SLIT2: variants seen among roughly 807,000 people sequenced by gnomAD.
SLIT2 encodes slit guidance ligand 2.
In SLIT2, 41 loss-of-function variants were observed where a neutral mutation model predicts 185.7. That is an observed-to-expected ratio of 0.22 (90% CI 0.17 to 0.29). SLIT2 has a LOEUF of 0.29. Ranked by LOEUF, SLIT2 falls within the 10% of genes least tolerant of loss-of-function variation. The pLI is 1.00. For missense variants in SLIT2, 1,571 were observed against 1,909.0 expected (o/e 0.82, Z 3.30); for synonymous variants, 693 against 680.2 (o/e 1.02, Z -0.29).
At chr4:20,532,844 C>G (rs6816854) in intron 17 of SLIT2, among the ~76,000 whole-genome samples, 4 of 151,992 alleles carry the variant, frequency 2.6e-5, no homozygotes, top group Non-Finnish European at 4.4e-5. Context: ...TCTTTTTAGC[C>G]ATAAGATGAT....
At chr4:20,378,440 T>A (rs1724214083) in intron 4 of SLIT2, among the ~76,000 whole-genome samples, 1 of 152,148 alleles carries the variant, frequency 6.6e-6, no homozygotes, top group Non-Finnish European at 1.5e-5. Context: ...GGGCTTATTT[T>A]ATATGTAGAT....
intron 29 of SLIT2, among the ~76,000 whole-genome samples, chr4:20,577,644 A>C (rs1726188944): frequency 6.6e-6 from 1 of 152,220 alleles, no homozygotes; most frequent in African/African-American, 2.4e-5. Context: ...TTTCAGGTCC[A>C]ACTTAATGAA....
chr4:20,514,187 G>C (rs1302335576), intron 11 of SLIT2, among the ~76,000 whole-genome samples: 3 of 152,050 alleles, frequency 2.0e-5, no homozygotes, highest in African/African-American at 4.8e-5. Context: ...TAAAAATTTT[G>C]CTTACAAGTT....
At chr4:20,600,413 A>ATTTTTTTTTT (rs1281627568) in intron 33 of SLIT2, among the ~76,000 whole-genome samples, 1 of 89,500 alleles carries the variant, frequency 1.1e-5, no homozygotes, top group East Asian at 3.5e-4. Flanking sequence ...ATTATGTTGC[A>ATTTTTTTTTT]TTTTTTTTTT....
At chr4:20,536,238 C>G (rs756519133) in intron 18 of SLIT2, among the ~76,000 whole-genome samples, 1 of 152,088 alleles carries the variant, frequency 6.6e-6, no homozygotes, top group Non-Finnish European at 1.5e-5. Context: ...TAAGACATTA[C>G]TGTACACTAA....
At chr4:20,577,480 T>C (rs942372289) in intron 29 of SLIT2, among the ~76,000 whole-genome samples, 1 of 152,222 alleles carries the variant, frequency 6.6e-6, no homozygotes, top group Non-Finnish European at 1.5e-5. Flanking sequence ...TTTGCACCTA[T>C]TGCACACAAA....
intron 4 of SLIT2, among the ~76,000 whole-genome samples, chr4:20,328,743 G>T (rs949394361): frequency 7.9e-5 from 12 of 152,048 alleles, no homozygotes; most frequent in African/African-American, 2.9e-4. Context: ...CACAATTAAA[G>T]AATTCAGAAT....
At chr4:20,597,529 G>A (rs1352256916) in intron 32 of SLIT2, among the ~76,000 whole-genome samples, 1 of 152,188 alleles carries the variant, frequency 6.6e-6, no homozygotes, top group Non-Finnish European at 1.5e-5. Flanking sequence ...TAAATATAGT[G>A]TACATGGGGC....
chr4:20,541,262 A>T (rs1490755578), intron 19 of SLIT2, among the ~76,000 whole-genome samples, 191 bp from the exon 20 acceptor site: 2 of 151,948 alleles, frequency 1.3e-5, no homozygotes, highest in African/African-American at 4.8e-5. Context: ...AGTTCCAAGC[A>T]TAAATATTTT....
intron 36 of SLIT2, among the ~76,000 whole-genome samples, chr4:20,618,021 TATTA>T (rs1729816689): frequency 6.6e-6 from 1 of 152,238 alleles, no homozygotes; most frequent in Admixed American, 6.5e-5. Flanking sequence ...CCGTATATAT[TATTA>T]ATTCATCTTC....
intron 4 of SLIT2, among the ~76,000 whole-genome samples, chr4:20,319,889 A>G (rs1377620511): frequency 6.6e-6 from 1 of 152,110 alleles, no homozygotes; most frequent in African/African-American, 2.4e-5. Context: ...CTGGTTTGGA[A>G]TGCATTCTTT....
intron 30 of SLIT2, among the ~76,000 whole-genome samples, chr4:20,591,953 A>G (rs1727552767): frequency 6.6e-6 from 1 of 152,154 alleles, no homozygotes; most frequent in Non-Finnish European, 1.5e-5. Flanking sequence ...TTGCTGCATT[A>G]TGGACTAACT....
chr4:20,365,097 G>A (rs571350274), intron 4 of SLIT2, among the ~76,000 whole-genome samples: 7 of 152,136 alleles, frequency 4.6e-5, no homozygotes, highest in Admixed American at 2.6e-4. Flanking sequence ...GAGTGTGCTC[G>A]TTCTGCAAGT....
intron 17 of SLIT2, among the ~76,000 whole-genome samples, chr4:20,532,795 C>A (rs1721921105): frequency 6.6e-6 from 1 of 152,224 alleles, no homozygotes; most frequent in Admixed American, 6.5e-5. Flanking sequence ...TTTCTGATAT[C>A]TTAATTGCCC....
At chr4:20,575,453 A>G (rs1726006762) in intron 29 of SLIT2, among the ~76,000 whole-genome samples, 1 of 152,210 alleles carries the variant, frequency 6.6e-6, no homozygotes. Context: ...TGAACAACAC[A>G]AAGGTGGGAA....
intron 23 of SLIT2, 51 bp downstream of exon 23, chr4:20,548,610 G>A (rs10428394): frequency 0.019 from 19,630 of 1,049,680 alleles, 503 homozygotes; most frequent in South Asian, 0.084. Flanking sequence ...TGGACAAAAG[G>A]CAGTCTCTAG....
intron 9 of SLIT2, among the ~76,000 whole-genome samples, chr4:20,508,093 C>G (rs1719367777): frequency 6.6e-6 from 1 of 152,002 alleles, no homozygotes. Context: ...AACTCCCTTT[C>G]TTATGACCTA....
At chr4:20,510,419 A>C in intron 9 of SLIT2, 76 bp from the exon 10 acceptor site, 1 of 925,980 alleles carries the variant, frequency 1.1e-6, no homozygotes, top group Non-Finnish European at 1.8e-6. Flanking sequence ...ACTTCTTGAC[A>C]TGAATCCTGA....
At chr4:20,435,460 A>G (rs917416647) in intron 4 of SLIT2, among the ~76,000 whole-genome samples, 16 of 152,228 alleles carry the variant, frequency 1.1e-4, no homozygotes, top group African/African-American at 3.9e-4. Flanking sequence ...TTTTGAGATT[A>G]GTGTTAAAAA....
Sources: gnomAD v4.1 joint callset for allele counts (sites outside exome capture counted in the v4.1 genomes callset) on GRCh38, gnomAD v4.1.1 for gene constraint, MANE v1.5 for transcripts, NCBI Gene and HGNC (gene_info 2026-07-23, HGNC 2026-07-21) for gene names.